Variants in GALK2 observed in about 807,000 individuals in gnomAD.
GALK2 encodes the protein galactokinase 2.
GALK2 carries 36 observed loss-of-function variants against 52.4 expected under a neutral mutation model. That is an observed-to-expected ratio of 0.69 (90% CI 0.53 to 0.91). The LOEUF (loss-of-function observed/expected upper bound fraction) is 0.91. Ranked by LOEUF, GALK2 falls within the 40% of genes least tolerant of loss-of-function variation. GALK2 has a pLI of 0.00. For synonymous variants in GALK2, 176 were observed against 199.1 expected, an observed-to-expected ratio of 0.88 and a Z score of 0.98; for missense variants, 579 against 559.1, an observed-to-expected ratio of 1.04 and a Z score of -0.36.
chr15:49,323,541 A>G (rs530660688), intron 9 of GALK2, among the ~76,000 whole-genome samples: 1 of 152,312 alleles, frequency 6.6e-6, no homozygotes, highest in African/African-American at 2.4e-5. Flanking sequence ...CTTGGAAACT[A>G]TTTGTATGAA....
chr15:49,228,687 A>ATATATATATATACATATAT lies in GALK2; in HGVS notation c.267-7163_267-7162insATATATATATACATATATT, dbSNP rs1555409061. The stretch of plus-strand genomic sequence containing the variant: ...TATATATATATATATATATATATAT[A>ATATATATATATACATATAT]TTTTTTTTTTTTTTTTTTTTTTTTG... On this transcript the variant is annotated intron_variant, in intron 3 of 9. Coordinates refer to ENST00000560031, the MANE Select transcript of GALK2 (RefSeq NM_002044.4). Among the ~76,000 whole-genome samples the ATATATATATATACATATAT allele has an allele frequency of 2.8e-4, 4 of 14,276 alleles. 1 individual carries two copies. Among genetic ancestry groups the ATATATATATATACATATAT allele is most frequent in the Non-Finnish European group, 4.7e-4 (4 of 8,568 alleles). 9.4% of individuals were successfully genotyped at this position (14,276 alleles called of 152,430 possible).
intron 5 of GALK2, among the ~76,000 whole-genome samples, chr15:49,267,166 G>C (rs2092390087): frequency 6.6e-6 from 1 of 152,184 alleles, no homozygotes. Context: ...GCTCAACTCT[G>C]AATACAGCAT....
rs565343669 is a variant in GALK2, at chr15:49,196,958, G to A, written c.54-4204G>A. 6.9e-4 allele frequency among the ~76,000 whole-genome samples: 105 copies of A among 152,156 alleles called. 1 individual carries two copies. Among genetic ancestry groups the A allele is most frequent in the Non-Finnish European group, 1.2e-3 (82 of 68,030 alleles). Reference sequence around the variant, plus strand: ...TTAAAAAATATTTTAGCTAGGCATGGCAGCATGCCTCTGTAGTTCTGCTGA... The same window carrying A: ...TTAAAAAATATTTTAGCTAGGCATGACAGCATGCCTCTGTAGTTCTGCTGA... On this transcript the variant is annotated intron_variant, in intron 1 of 9. Coordinates refer to ENST00000560031, the MANE Select transcript of GALK2 (RefSeq NM_002044.4).
intron 6 of GALK2, 30 bp downstream of exon 6, chr15:49,282,115 A>G (rs2141761293): frequency 3.9e-6 from 6 of 1,525,134 alleles, no homozygotes; most frequent in Non-Finnish European, 5.4e-6. Context: ...GGAACCATTC[A>G]GAAATTCCTA....
chr15:49,355,586 T>G (rs963535656), intron 3 of GALK2, among the ~76,000 whole-genome samples: 1 of 152,104 alleles, frequency 6.6e-6, no homozygotes, highest in African/African-American at 2.4e-5. Context: ...AATATGGGGC[T>G]ATGTGAAAAG....
At chr15:49,177,019 AT>A (rs888453211) in intron 1 of GALK2, among the ~76,000 whole-genome samples, 11 of 151,884 alleles carry the variant, frequency 7.2e-5, no homozygotes, top group Non-Finnish European at 1.2e-4. Flanking sequence ...AGAAATTTGT[AT>A]TTTTTCTAGA....
chr15:49,200,298 A>C (rs1316610912), intron 1 of GALK2, among the ~76,000 whole-genome samples: 1 of 152,240 alleles, frequency 6.6e-6, no homozygotes, highest in Non-Finnish European at 1.5e-5. Flanking sequence ...TAGAGGTCTC[A>C]TTAGAATTAG....
intron 1 of GALK2, among the ~76,000 whole-genome samples, chr15:49,159,302 G>A (rs941172754): frequency 2.0e-5 from 3 of 152,082 alleles, no homozygotes; most frequent in South Asian, 2.1e-4. Flanking sequence ...TCCGGCTGGC[G>A]CGCTGGCTCA....
intron 2 of GALK2, among the ~76,000 whole-genome samples, chr15:49,210,478 T>G (rs2088751405): frequency 6.6e-6 from 1 of 151,986 alleles, no homozygotes; most frequent in Admixed American, 6.6e-5. Context: ...CTGCTCTTGT[T>G]GCCCAAGCTG....
chr15:49,329,916 T>C lies in GALK2; in HGVS notation c.*1757T>C, dbSNP rs74339964. On this transcript the variant is annotated 3_prime_UTR_variant, in exon 10 of 10. Transcript: ENST00000560031. Reference sequence around the variant, plus strand: ...GAGTAAAAATTTCCAATGTGCACTCTTCTTTGGGGGACACACATGGTCATT... The same window carrying C: ...GAGTAAAAATTTCCAATGTGCACTCCTCTTTGGGGGACACACATGGTCATT... 0.16 allele frequency: 32,265 copies of C among 206,666 alleles called. 3,121 individuals carry two copies. Among genetic ancestry groups the C allele is most frequent in the Non-Finnish European group, 0.19 (22,841 of 117,928 alleles). The allele number at this position is 206,666 out of a possible 1,614,324, so 12.8% of individuals were successfully genotyped here. A position where few individuals can be genotyped will look rare whatever the true frequency, so the allele number is the denominator to read the frequency against.
At chr15:49,221,106 T>C (rs1566950551) in intron 3 of GALK2, among the ~76,000 whole-genome samples, 1 of 152,222 alleles carries the variant, frequency 6.6e-6, no homozygotes, top group Non-Finnish European at 1.5e-5. Context: ...ATTTATCTAT[T>C]TTTGTTTTAT....
At chr15:49,239,909 C>T (rs1283627620) in intron 5 of GALK2, among the ~76,000 whole-genome samples, 1 of 152,200 alleles carries the variant, frequency 6.6e-6, no homozygotes, top group Non-Finnish European at 1.5e-5. Flanking sequence ...ATCTCTGACT[C>T]TGCAGTTTAG....
At position 49,159,728 on chromosome 15, in the gene GALK2, A is replaced by G. The variant is rs113946101; in HGVS notation, c.20+3712A>G. On this transcript the variant is annotated intron_variant, in intron 1 of 9. Transcript: ENST00000327171. Reference sequence around the variant, plus strand: ...CAATAATGTGTTCTCACCTATACATACAAATGTTTTTCCCTAACAGTCTTC... The same window carrying G: ...CAATAATGTGTTCTCACCTATACATGCAAATGTTTTTCCCTAACAGTCTTC... Among the ~76,000 whole-genome samples, 745 of 152,290 alleles carry G rather than the reference A, an allele frequency of 4.9e-3. 7 individuals are homozygous for G. Among genetic ancestry groups the G allele is most frequent in the African/African-American group, 0.017 (709 of 41,540 alleles).
chr15:49,302,984 G>A (rs2035236416), intron 8 of GALK2, among the ~76,000 whole-genome samples: 1 of 152,134 alleles, frequency 6.6e-6, no homozygotes, highest in South Asian at 2.1e-4. Context: ...TATTCTTTAA[G>A]TTGTTTTGGA....
chr15:49,182,238 C>T (rs1039365562), intron 1 of GALK2, among the ~76,000 whole-genome samples: 3 of 152,238 alleles, frequency 2.0e-5, no homozygotes, highest in Admixed American at 6.5e-5. Context: ...TGAGTGAGAA[C>T]GTATGAAGTT....
At chr15:49,297,719 G>A (rs1231852926) in intron 8 of GALK2, among the ~76,000 whole-genome samples, 2 of 152,038 alleles carry the variant, frequency 1.3e-5, no homozygotes, top group African/African-American at 2.4e-5. Context: ...TGTTGACTTC[G>A]TCAAAGATCA....
intron 4 of GALK2, among the ~76,000 whole-genome samples, chr15:49,237,342 A>G (rs147051170): frequency 6.6e-6 from 1 of 152,222 alleles, no homozygotes; most frequent in Non-Finnish European, 1.5e-5. Context: ...CTTATATTAC[A>G]TTGAACATGT....
At chr15:49,289,768 G>A (rs1459074823) in intron 7 of GALK2, among the ~76,000 whole-genome samples, 1 of 152,000 alleles carries the variant, frequency 6.6e-6, no homozygotes, top group Non-Finnish European at 1.5e-5. Context: ...ATGCTTCTTA[G>A]GATCACCTTC....
intron 5 of GALK2, among the ~76,000 whole-genome samples, chr15:49,248,033 A>G (rs576528493): frequency 3.3e-5 from 5 of 152,278 alleles, no homozygotes; most frequent in Non-Finnish European, 5.9e-5. Context: ...TTCTGTGCCA[A>G]ATATGTCCAC....
Sources: gnomAD v4.1 joint callset for allele counts (sites outside exome capture counted in the v4.1 genomes callset) on GRCh38, gnomAD v4.1.1 for gene constraint, MANE v1.5 for transcripts, NCBI Gene and HGNC (gene_info 2026-07-23, HGNC 2026-07-21) for gene names.